PCDHGB4: variants seen among roughly 807,000 people sequenced by gnomAD.
PCDHGB4 encodes the protein protocadherin gamma subfamily B, 4, also known as protocadherin gamma-B4.
In PCDHGB4, 38 loss-of-function variants were observed where a neutral mutation model predicts 60.5. The observed-to-expected ratio is 0.63, with a 90% CI of 0.48 to 0.82. The LOEUF is 0.82. PCDHGB4 is among the 40% of genes least tolerant of loss of function. The pLI is 0.00. For missense variants in PCDHGB4, 1,109 were observed against 1,209.6 expected, an observed-to-expected ratio of 0.92 and a Z score of 1.23; for synonymous variants, 456 against 509.7, an observed-to-expected ratio of 0.89 and a Z score of 1.42.
intron 1 of PCDHGB4, chr5:141,413,040 C>G: frequency 1.2e-6 from 1 of 840,546 alleles, no homozygotes; most frequent in Non-Finnish European, 1.8e-6. Flanking sequence ...GGCTGCTGGG[C>G]TGCAGGGAAG....
intron 1 of PCDHGB4, chr5:141,403,649 T>C: frequency 6.2e-7 from 1 of 1,613,874 alleles, no homozygotes; most frequent in Non-Finnish European, 8.5e-7. Context: ...TGTGACAGTG[T>C]TGGATACAAA....
At chr5:141,410,369 A>G in intron 1 of PCDHGB4, 1 of 1,613,954 alleles carries the variant, frequency 6.2e-7, no homozygotes. Context: ...CAGCCCTGCT[A>G]CTTGGGACTG....
rs771884610 is a variant in PCDHGB4, at chr5:141,491,436, G to T, written c.2398-3371G>T. 1 of 1,614,070 alleles carries T rather than the reference G, an allele frequency of 6.2e-7. No individual in the cohort carries two copies. ...ACGGGGGTGGAGGGCAGTGCTGCAGGCGCCAGGACTCACCCTCCCCGGACT... is the reference window on the plus strand; with the variant it reads ...ACGGGGGTGGAGGGCAGTGCTGCAGTCGCCAGGACTCACCCTCCCCGGACT... On this transcript the variant is annotated intron_variant, in intron 1 of 3. Coordinates refer to ENST00000519479, the MANE Select transcript of PCDHGB4 (RefSeq NM_003736.4). The surrounding 1 kb of genome is among the most constrained non-coding windows in gnomAD (Gnocchi z 6.9).
chr5:141,480,414 CA>C (rs10712552), intron 1 of PCDHGB4, among the ~76,000 whole-genome samples: 43,347 of 147,074 alleles, frequency 0.29, 6,620 homozygotes, highest in African/African-American at 0.4. Flanking sequence ...GACCCTGTCT[CA>C]AAAAAAAAAA....
rs747671382 is a variant in PCDHGB4 at position 141,444,152 on chromosome 5, A to ATTTTTTT, written c.2398-50625_2398-50619dup. On this transcript the variant is annotated intron_variant, in intron 1 of 3. Coordinates refer to ENST00000519479, the MANE Select transcript of PCDHGB4 (RefSeq NM_003736.4). ...GATATGTGTCACTTGTGTGTACTGG[A>ATTTTTTT]TTTTTTTTTTTTTTTTTTTTTTTTT... Among the ~76,000 whole-genome samples, 8 of 33,896 alleles carry ATTTTTTT rather than the reference A, an allele frequency of 2.4e-4. 2 individuals are homozygous for ATTTTTTT. The highest frequency in any genetic ancestry group is 2.1e-3 in the South Asian group (2 of 962). 22.2% of individuals were successfully genotyped at this position (33,896 alleles called of 152,430 possible).
At position 141,423,563 on chromosome 5, in the gene PCDHGB4, C is replaced by T. The variant is rs745802952; in HGVS notation, c.2397+33282C>T. 9.9e-6 allele frequency: 16 copies of T among 1,613,436 alleles called. No homozygotes were observed. In the Admixed American group the frequency reaches 2.3e-4, roughly 24 times the overall value. ...TTCCCCCAGCCCAACTATGGGGACA[C>T]GCTCATCAGCCAGGAGAGCTGTGAG... On this transcript the variant is annotated intron_variant, in intron 1 of 3. Coordinates refer to ENST00000519479, the MANE Select transcript of PCDHGB4 (RefSeq NM_003736.4).
At chr5:141,415,871 G>T (rs2095966585) in intron 1 of PCDHGB4, 2 of 1,074,308 alleles carry the variant, frequency 1.9e-6, no homozygotes, top group South Asian at 2.3e-5. Context: ...TAGTGTTGTT[G>T]AGTACAATAT....
chr5:141,496,126 C>T (rs934132550), intron 2 of PCDHGB4, among the ~76,000 whole-genome samples: 2 of 152,062 alleles, frequency 1.3e-5, no homozygotes, highest in African/African-American at 4.8e-5. Context: ...CCCTGCCCCT[C>T]ACACACTGAG....
chr5:141,410,068 C>T (rs2095353806), intron 1 of PCDHGB4: 1 of 1,612,832 alleles, frequency 6.2e-7, no homozygotes, highest in Non-Finnish European at 8.5e-7. Context: ...TGGGGCTGCG[C>T]ACTGGGGAGG....
At chr5:141,430,781 C>G in intron 1 of PCDHGB4, 8 of 1,510,922 alleles carry the variant, frequency 5.3e-6, no homozygotes, top group Non-Finnish European at 7.1e-6. Context: ...GCGACTGCAC[C>G]GGGACTACAA....
intron 1 of PCDHGB4, among the ~76,000 whole-genome samples, chr5:141,437,526 G>A (rs1199002765): frequency 1.3e-5 from 2 of 152,160 alleles, no homozygotes; most frequent in East Asian, 3.8e-4. Context: ...GATGACAAAT[G>A]AGCAAATTGT....
chr5:141,410,087 G>A (rs1427716409), intron 1 of PCDHGB4: 1 of 1,612,482 alleles, frequency 6.2e-7, no homozygotes, highest in African/African-American at 1.3e-5. Flanking sequence ...GGTGCGCACG[G>A]CTCGAGCCTT....
Position 141,489,748 on chromosome 5 carries a change from T to G in PCDHGB4, c.2398-5059T>G. 6.2e-7 allele frequency: 1 copy of G among 1,614,156 alleles called. No homozygotes were observed. Among genetic ancestry groups the G allele is most frequent in the African/African-American group, 1.3e-5 (1 of 75,054 alleles). On this transcript the variant is annotated intron_variant, in intron 1 of 3. Transcript: ENST00000519479. This position sits in a 1 kb window ranked among gnomAD's most constrained non-coding sequence, Gnocchi z 4.5. ...TGTGGGCACCAATACTGTGAGCTTTTACACTCTAAGCCCCAACAGCCACTT... is the reference window on the plus strand; with the variant it reads ...TGTGGGCACCAATACTGTGAGCTTTGACACTCTAAGCCCCAACAGCCACTT...
At chr5:141,393,800 GA>G (rs1403705962) in intron 1 of PCDHGB4, 2 of 1,613,842 alleles carry the variant, frequency 1.2e-6, no homozygotes, top group Non-Finnish European at 1.7e-6. Flanking sequence ...CACTTCTGGG[GA>G]GGACCAAATT....
At chr5:141,470,323 A>G (rs1029928511) in intron 1 of PCDHGB4, among the ~76,000 whole-genome samples, 1 of 152,188 alleles carries the variant, frequency 6.6e-6, no homozygotes, top group Non-Finnish European at 1.5e-5. Context: ...AAATGATCCC[A>G]TAATTTGACC....
In PCDHGB4 at chr5:141,389,710, C is replaced by T; in HGVS notation, c.1826C>T (p.Ala609Val). The change falls in exon 1 of 4, where the codon GCT becomes GTT. Residue 609 changes from alanine to valine, a missense_variant. Around this residue, in one of 2 missense-constraint regions of PCDHGB4, gnomAD observed 1,068 missense variants for 1,089.9 expected, o/e 0.98. Coordinates refer to ENST00000519479, the MANE Select transcript of PCDHGB4 (RefSeq NM_003736.4). ...TGGCTGTCCTACCACGTGCTGCAGG[C>T]TAGCGAGCCCGGGCTCTTCAGCCTG... ...NAWLSYHVLQ[A>V]SEPGLFSLGL... 6.2e-7 allele frequency: 1 copy of T among 1,612,586 alleles called. No individual in the cohort carries two copies. The highest frequency in any genetic ancestry group is 8.5e-7 in the Non-Finnish European group (1 of 1,179,774).
At chr5:141,502,575 A>G (rs1314648955) in intron 2 of PCDHGB4, among the ~76,000 whole-genome samples, 2 of 152,208 alleles carry the variant, frequency 1.3e-5, no homozygotes, top group Admixed American at 1.3e-4. Context: ...CATTATAAAA[A>G]TATATTTTTA....
chr5:141,461,409 A>ATATGTTTGT (rs1491521215), intron 1 of PCDHGB4, among the ~76,000 whole-genome samples: 2 of 151,810 alleles, frequency 1.3e-5, no homozygotes, highest in Non-Finnish European at 2.9e-5. Context: ...GCATTTTTTC[A>ATATGTTTGT]TATGTTTGTG....
rs977174958 is a variant in PCDHGB4, at chr5:141,394,524, G to C, written c.2397+4243G>C. 3.7e-6 allele frequency: 6 copies of C among 1,614,096 alleles called. No homozygotes were observed. The African/African-American group carries it at 6.7e-5, about 18-fold the overall frequency. ...CCTGTACCCCGCCCTCCCCACAGAC[G>C]GTTCCACTGGCGTGGAGCTGGCGCC... On this transcript the variant is annotated intron_variant, in intron 1 of 3. Coordinates refer to ENST00000519479, the MANE Select transcript of PCDHGB4 (RefSeq NM_003736.4).
Sources: allele counts gnomAD v4.1 joint callset (sites outside exome capture counted in the v4.1 genomes callset), GRCh38; gene constraint gnomAD v4.1.1; regional missense constraint gnomAD v4.1.1; non-coding constraint Gnocchi (gnomAD v3.1); transcripts MANE v1.5; gene names NCBI Gene and HGNC (gene_info 2026-07-23, HGNC 2026-07-21).